MACF1: variants seen among roughly 807,000 people sequenced by gnomAD.
MACF1 encodes microtubule actin crosslinking factor 1.
A neutral mutation model predicts 854.8 loss-of-function variants in MACF1; 193 were observed. That is an observed-to-expected ratio of 0.23 (90% CI 0.20 to 0.25). The LOEUF (loss-of-function observed/expected upper bound fraction) is 0.25. Ranked by LOEUF, MACF1 falls within the 10% of genes least tolerant of loss-of-function variation. MACF1 has a pLI of 1.00. For missense variants in MACF1, 7,722 were observed against 8,929.1 expected (o/e 0.86, Z 5.45); for synonymous variants, 3,185 against 3,226.7 (o/e 0.99, Z 0.44).
intron 21 of MACF1, among the ~76,000 whole-genome samples, chr1:39,298,954 C>T (rs370040613): frequency 2.6e-5 from 4 of 152,120 alleles, no homozygotes; most frequent in East Asian, 1.9e-4. Flanking sequence ...GGGTTGGCGG[C>T]GTCATCGGGG....
At chr1:39,250,185 C>CA (rs138875979) in intron 3 of MACF1, 82 bp downstream of exon 3, 23,633 of 863,090 alleles carry the variant, frequency 0.027, 524 homozygotes, top group East Asian at 0.11. Context: ...GCAAGGGCAG[C>CA]AGCCATCACT....
intron 74 of MACF1, among the ~76,000 whole-genome samples, chr1:39,441,710 A>C (rs560016672): frequency 6.6e-6 from 1 of 152,182 alleles, no homozygotes; most frequent in African/African-American, 2.4e-5. Context: ...CTTTTATTCA[A>C]ATTTAGTATT....
chr1:39,096,223 G>C (rs993239806), intron 2 of MACF1, among the ~76,000 whole-genome samples: 3 of 151,126 alleles, frequency 2.0e-5, no homozygotes, highest in Admixed American at 2.0e-4. Flanking sequence ...ATTGAGTCTT[G>C]CTTTGGGAGG....
At chr1:39,100,697 T>C (rs1291809160) in intron 2 of MACF1, among the ~76,000 whole-genome samples, 5 of 150,764 alleles carry the variant, frequency 3.3e-5, no homozygotes, top group Non-Finnish European at 5.9e-5. Context: ...CTACGAAAAA[T>C]ACAAAAATTA....
intron 53 of MACF1, 79 bp from the exon 54 acceptor site, chr1:39,379,124 C>A: frequency 7.2e-7 from 1 of 1,386,724 alleles, no homozygotes; most frequent in Non-Finnish European, 9.8e-7. Flanking sequence ...AAGAGAGATG[C>A]AAGTAATTTA....
intron 2 of MACF1, among the ~76,000 whole-genome samples, chr1:39,086,327 G>A (rs1176956418): frequency 2.0e-5 from 3 of 152,250 alleles, no homozygotes; most frequent in Non-Finnish European, 2.9e-5. Flanking sequence ...TGAGCTCCAA[G>A]TGAGGAGACA....
intron 38 of MACF1, among the ~76,000 whole-genome samples, chr1:39,338,536 G>A (rs191586055): frequency 2.0e-5 from 3 of 152,334 alleles, no homozygotes; most frequent in African/African-American, 7.2e-5. Context: ...GAAGCAATTA[G>A]ACCTTTAGAT....
At chr1:39,313,898 G>A (rs1646353600) in intron 26 of MACF1, among the ~76,000 whole-genome samples, 1 of 152,034 alleles carries the variant, frequency 6.6e-6, no homozygotes, top group Admixed American at 6.5e-5. Flanking sequence ...TTACAGGCAT[G>A]GGTCATGATG....
Position 39,479,864 on chromosome 1 carries a change from T to C in MACF1, c.22025T>C (p.Met7342Thr). 1 of 1,614,264 alleles carries C rather than the reference T, an allele frequency of 6.2e-7. No individual in the cohort carries two copies. Among genetic ancestry groups the C allele is most frequent in the South Asian group, 1.1e-5 (1 of 91,088 alleles). ...CTACCAGAGGGAGCATCCCAGGGAA[T>C]GACCCCCTTCCGCTCACGGGGTCGA... The part of the protein sequence containing the change: ...FILPEGASQG[M>T]TPFRSRGRRS... The change falls in exon 98 of 101, where the codon ATG becomes ACG. Residue 7342 changes from methionine to threonine, a missense_variant. Coordinates refer to ENST00000564288, the MANE Select transcript of MACF1 (RefSeq NM_001394062.1).
intron 6 of MACF1, among the ~76,000 whole-genome samples, chr1:39,276,973 G>A (rs533876256): frequency 1.4e-4 from 21 of 152,008 alleles, no homozygotes; most frequent in Non-Finnish European, 2.6e-4. Flanking sequence ...ACAAAAAAGA[G>A]GAATGAAAAA....
In MACF1 at chr1:39,324,220, C is replaced by A. The variant is rs753051196; in HGVS notation, c.4264C>A (p.His1422Asn). Residue 1422 changes from histidine to asparagine, a missense_variant, in exon 34 of 101, where the codon CAT (histidine) becomes AAT (asparagine). Coordinates refer to ENST00000564288, the MANE Select transcript of MACF1 (RefSeq NM_001394062.1). ...AGTGGTAGAAGAGGAGAAACAAGAACATGTGGAGAAGGTTAAAGAACTTTT... is the reference window on the plus strand; with the variant it reads ...AGTGGTAGAAGAGGAGAAACAAGAAAATGTGGAGAAGGTTAAAGAACTTTT... ...EKVVEEEKQE[H>N]VEKVKELLGW... 23 of 1,608,868 alleles carry A rather than the reference C, an allele frequency of 1.4e-5. No homozygotes were observed. Among genetic ancestry groups the A allele is most frequent in the Non-Finnish European group, 1.8e-5 (21 of 1,177,620 alleles).
intron 2 of MACF1, among the ~76,000 whole-genome samples, chr1:39,143,004 G>A (rs1440078475): frequency 2.6e-5 from 4 of 152,130 alleles, no homozygotes; most frequent in African/African-American, 4.8e-5. Flanking sequence ...AAAGGAAGGC[G>A]GTGACCCGAG....
intron 2 of MACF1, chr1:39,102,623 G>A: frequency 1.6e-6 from 1 of 620,958 alleles, no homozygotes; most frequent in Non-Finnish European, 2.9e-6. Flanking sequence ...AGGGATAGGG[G>A]TATTTGATGA....
chr1:39,373,610 T>A (rs1417680189), intron 52 of MACF1: 1 of 152,012 alleles, frequency 6.6e-6, no homozygotes, highest in African/African-American at 2.4e-5. Context: ...CTCAGCACTT[T>A]GGGAGGCCTA....
chr1:39,164,713 G>T (rs1290852669), intron 2 of MACF1, among the ~76,000 whole-genome samples: 1 of 152,166 alleles, frequency 6.6e-6, no homozygotes, highest in African/African-American at 2.4e-5. Flanking sequence ...TGGAACCCTG[G>T]ATTGGTACCA....
At chr1:39,291,391 C>G (rs1645785107) in intron 15 of MACF1, among the ~76,000 whole-genome samples, 1 of 152,166 alleles carries the variant, frequency 6.6e-6, no homozygotes, top group Admixed American at 6.5e-5. Context: ...CTTTCTAACC[C>G]TTTTGTTTTA....
intron 2 of MACF1, among the ~76,000 whole-genome samples, chr1:39,186,386 C>A (rs532076342): frequency 1.6e-4 from 24 of 151,546 alleles, no homozygotes; most frequent in Non-Finnish European, 3.1e-4. Context: ...CCTGCCTCAG[C>A]CTCCCGAGTA....
intron 58 of MACF1, among the ~76,000 whole-genome samples, chr1:39,408,326 C>T (rs1053362786): frequency 8.5e-5 from 13 of 152,156 alleles, no homozygotes; most frequent in African/African-American, 3.1e-4. Context: ...CTAGAGTTAT[C>T]CAATAACTTT....
chr1:39,355,484 T>TTTTC (rs1647470873), intron 44 of MACF1, among the ~76,000 whole-genome samples: 1 of 131,454 alleles, frequency 7.6e-6, no homozygotes, highest in Admixed American at 7.4e-5. Context: ...TTTTTTTTTT[T>TTTTC]TGAGACGGAG....
Sources: gnomAD v4.1 joint callset for allele counts (sites outside exome capture counted in the v4.1 genomes callset) on GRCh38, gnomAD v4.1.1 for gene constraint, MANE v1.5 for transcripts, NCBI Gene and HGNC (gene_info 2026-07-23, HGNC 2026-07-21) for gene names.